The following GPHN variants were observed in gnomAD, a reference collection of about 807,000 sequenced individuals.
The protein encoded by GPHN is gephyrin.
GPHN carries 17 observed loss-of-function variants against 95.5 expected under a neutral mutation model. The ratio of observed to expected loss-of-function variants is 0.18; its 90% CI spans 0.12 to 0.27. The LOEUF is 0.27. GPHN is among the 10% of genes least tolerant of loss of function. GPHN has a pLI of 1.00. For synonymous variants in GPHN, 320 were observed against 322.5 expected, an observed-to-expected ratio of 0.99 and a Z score of 0.08; for missense variants, 660 against 978.1, an observed-to-expected ratio of 0.67 and a Z score of 4.34.
At chr14:67,474,025 G>A in the GPHN span, 1 of 1,401,410 alleles carries the variant, frequency 7.1e-7, no homozygotes, top group Non-Finnish European at 9.4e-7. Flanking sequence ...GGCCGAGGCG[G>A]CGGATCACTT....
chr14:67,462,913 G>A, the GPHN span, among the ~76,000 whole-genome samples: 8 of 152,232 alleles, frequency 5.3e-5, no homozygotes, highest in African/African-American at 1.9e-4. Context: ...ATTCTGCAAA[G>A]CAGGAAATAA....
chr14:66,958,961 T>C (rs1243540470), intron 8 of GPHN, among the ~76,000 whole-genome samples: 5 of 152,252 alleles, frequency 3.3e-5, no homozygotes, highest in African/African-American at 4.8e-5. Context: ...CCATTTTGAT[T>C]CTCCTTGCTA....
the GPHN span, among the ~76,000 whole-genome samples, chr14:67,627,394 G>T: frequency 6.6e-6 from 1 of 151,622 alleles, no homozygotes; most frequent in Non-Finnish European, 1.5e-5. Flanking sequence ...TATATTTTAT[G>T]AAATATACAG....
chr14:67,343,580 C>G, the GPHN span: 2 of 629,328 alleles, frequency 3.2e-6, no homozygotes, highest in Non-Finnish European at 5.5e-6. Flanking sequence ...AAACAAAATT[C>G]TTAGGCTGGG....
intron 3 of GPHN, among the ~76,000 whole-genome samples, chr14:66,787,231 TTAAA>T: frequency 6.6e-6 from 1 of 152,240 alleles, no homozygotes; most frequent in Non-Finnish European, 1.5e-5. Context: ...AAACTGAAAT[TTAAA>T]TAACACCATT....
At chr14:67,471,391 A>C in the GPHN span, 2 of 152,278 alleles carry the variant, frequency 1.3e-5, no homozygotes, top group East Asian at 3.9e-4. Flanking sequence ...CTGGGAGACT[A>C]AGACAACATG....
At position 67,040,055 on chromosome 14, in the gene GPHN, A is replaced by G. The variant is rs1360724994; in HGVS notation, c.1006+16380A>G. ...AATTACTGTGAGATATGTGGTTAAT[A>G]TAATATGCAATTAGAAGTCCTAAAA... On this transcript the variant is annotated intron_variant, in intron 10 of 22. Coordinates refer to ENST00000478722, the MANE Select transcript of GPHN (RefSeq NM_020806.5). Among the ~76,000 whole-genome samples, 4 of 152,172 alleles carry G rather than the reference A, an allele frequency of 2.6e-5. No individual in the cohort carries two copies. The South Asian group carries it at 6.2e-4, about 24-fold the overall frequency.
downstream of GPHN, among the ~76,000 whole-genome samples, chr14:67,183,052 A>G (rs926496836): frequency 6.6e-6 from 1 of 152,062 alleles, no homozygotes; most frequent in Non-Finnish European, 1.5e-5. Context: ...TTTGAAGATG[A>G]TAGCACAGGA....
chr14:67,214,646 C>T, the GPHN span, among the ~76,000 whole-genome samples: 6 of 151,762 alleles, frequency 4.0e-5, no homozygotes, highest in South Asian at 2.1e-4. Context: ...CTTGGCGATG[C>T]GGGCTCTTTT....
chr14:67,199,674 A>C, the GPHN span: 124 of 1,581,042 alleles, frequency 7.8e-5, no homozygotes, highest in East Asian at 1.1e-4. Context: ...TCCCAGCCTG[A>C]CCGCCCTCAT....
chr14:66,624,551 G>A (rs1236065251), intron 1 of GPHN, among the ~76,000 whole-genome samples: 1 of 152,188 alleles, frequency 6.6e-6, no homozygotes, highest in Non-Finnish European at 1.5e-5. Flanking sequence ...TCCAAGGACA[G>A]TCTAAAAGAT....
chr14:66,517,838 C>T (rs1477621840), intron 1 of GPHN, among the ~76,000 whole-genome samples: 1 of 151,864 alleles, frequency 6.6e-6, no homozygotes, highest in Non-Finnish European at 1.5e-5. Context: ...TATGGAACTG[C>T]TAGAAGAAAA....
At chr14:67,704,086 G>C in the GPHN span, among the ~76,000 whole-genome samples, 3 of 152,132 alleles carry the variant, frequency 2.0e-5, no homozygotes, top group Non-Finnish European at 4.4e-5. Context: ...TTTTCATTCT[G>C]CAGTTGTTTT....
chr14:66,709,150 C>G (rs1486780354), intron 2 of GPHN, among the ~76,000 whole-genome samples: 1 of 152,052 alleles, frequency 6.6e-6, no homozygotes, highest in African/African-American at 2.4e-5. Flanking sequence ...CTGATGACCA[C>G]GTTTTTGTTA....
chr14:67,084,737 A>C (rs1482329609), intron 11 of GPHN, among the ~76,000 whole-genome samples: 1 of 152,222 alleles, frequency 6.6e-6, no homozygotes, highest in Non-Finnish European at 1.5e-5. Context: ...GGTAAGAGAC[A>C]GAAGATCAAA....
the GPHN span, chr14:67,728,022 G>C: frequency 1.3e-5 from 2 of 152,266 alleles, no homozygotes; most frequent in Non-Finnish European, 2.9e-5. Context: ...TGTGGATGTG[G>C]ATGTGCCCCT....
At chr14:67,279,523 C>T in the GPHN span, 5 of 1,532,858 alleles carry the variant, frequency 3.3e-6, no homozygotes, top group Non-Finnish European at 3.5e-6. Context: ...CCTCATTATG[C>T]TGTGAAAATA....
At chr14:67,307,529 TG>T in the GPHN span, among the ~76,000 whole-genome samples, 1 of 152,240 alleles carries the variant, frequency 6.6e-6, no homozygotes, top group African/African-American at 2.4e-5. Flanking sequence ...CAGAGATAAC[TG>T]TGTTGTAAAG....
At chr14:67,587,369 C>A in the GPHN span, 2 of 1,019,782 alleles carry the variant, frequency 2.0e-6, no homozygotes, top group Non-Finnish European at 1.5e-6. Context: ...GTATTTTAGT[C>A]TCTGTGAAGC....
Sources: gnomAD v4.1 joint callset for allele counts (sites outside exome capture counted in the v4.1 genomes callset) on GRCh38, gnomAD v4.1.1 for gene constraint, MANE v1.5 for transcripts, NCBI Gene and HGNC (gene_info 2026-07-23, HGNC 2026-07-21) for gene names.